Variants in VIL1 observed in about 807,000 individuals in gnomAD.
VIL1 encodes the protein villin 1.
A neutral mutation model predicts 104.0 loss-of-function variants in VIL1; 86 were observed. The observed-to-expected ratio is 0.83, with a 90% CI of 0.69 to 0.99. The LOEUF (loss-of-function observed/expected upper bound fraction) is 0.99, where lower values mean the gene tolerates loss of function less well. Among genes scored for constraint, VIL1 ranks in the 50% least tolerant of loss-of-function variants. VIL1 has a pLI of 0.00. For synonymous variants in VIL1, 394 were observed against 412.6 expected (o/e 0.95, Z 0.55); for missense variants, 944 against 1,054.1 (o/e 0.90, Z 1.45).
intron 4 of VIL1, among the ~76,000 whole-genome samples, chr2:218,427,650 T>A (rs1398847417): frequency 6.6e-6 from 1 of 152,096 alleles, no homozygotes. Context: ...CTACTCTTAA[T>A]ATATCATGAC....
At chr2:218,432,647 G>A (rs1233695637) in intron 12 of VIL1, 146 bp from the exon 13 acceptor site, 3 of 1,089,346 alleles carry the variant, frequency 2.8e-6, no homozygotes, top group Non-Finnish European at 4.0e-6. Flanking sequence ...TTGGGGTTTT[G>A]GCTGTTTCAC....
chr2:218,419,684 A>G (rs1286164323), intron 1 of VIL1, among the ~76,000 whole-genome samples: 9 of 152,190 alleles, frequency 5.9e-5, no homozygotes, highest in Admixed American at 5.9e-4. Flanking sequence ...ATGGGCACAC[A>G]CAGAGGCAAG....
Position 218,435,361 on chromosome 2 carries a change from G to A in VIL1, c.1753G>A (p.Val585Met), listed in dbSNP as rs1689171120. Residue 585 changes from valine to methionine, a missense_variant, in exon 15 of 20, where the codon GTG (valine) becomes ATG (methionine). Coordinates refer to ENST00000248444, the MANE Select transcript of VIL1 (RefSeq NM_007127.3). ...DTISRTEKQV[V>M]VEGQEPANFW... ...CATCTCCCGGACGGAGAAGCAAGTG[G>A]TGGTGGAAGGGCAGGAGCCAGCCAA... The A allele has an allele frequency of 1.2e-6, 2 of 1,614,066 alleles. No individual in the cohort carries two copies. Among genetic ancestry groups the A allele is most frequent in the South Asian group, 2.2e-5 (2 of 91,088 alleles).
Position 218,432,838 on chromosome 2 carries a change from G to A in VIL1, c.1387G>A (p.Ala463Thr). ...TGAAATTACAGCATCAGCTTATCAA[G>A]CCGTCATCCTGGACCAGAAGTACAA... Reference protein sequence around the residue: ...QDEITASAYQAVILDQKYNGE... With the variant: ...QDEITASAYQTVILDQKYNGE... The change falls in exon 13 of 20, where the codon GCC (alanine) becomes ACC (threonine). Residue 463 changes from alanine (A) to threonine (T), a missense_variant. Coordinates refer to ENST00000248444, the MANE Select transcript of VIL1 (RefSeq NM_007127.3). 1.2e-6 allele frequency: 2 copies of A among 1,614,230 alleles called. No individual in the cohort carries two copies. The highest frequency in any genetic ancestry group is 1.7e-6 in the Non-Finnish European group (2 of 1,180,042).
intron 10 of VIL1, among the ~76,000 whole-genome samples, 163 bp from the exon 11 acceptor site, chr2:218,431,694 C>T (rs192054661): frequency 6.6e-6 from 1 of 152,232 alleles, no homozygotes; most frequent in Admixed American, 6.5e-5. Context: ...TCTATTGTAG[C>T]TCTGCCACAT....
At chr2:218,432,329 G>T in intron 12 of VIL1, 146 bp downstream of exon 12, 1 of 1,259,886 alleles carries the variant, frequency 7.9e-7, no homozygotes. Context: ...TGGCTATGAG[G>T]TCCCGCTAGT....
chr2:218,421,900 C>G (rs1688903620), intron 1 of VIL1, among the ~76,000 whole-genome samples: 1 of 152,150 alleles, frequency 6.6e-6, no homozygotes, highest in South Asian at 2.1e-4. Flanking sequence ...AAGTTGACCC[C>G]CTCAGCTCAT....
chr2:218,443,128 G>A (rs966830644), intron 19 of VIL1, among the ~76,000 whole-genome samples: 1 of 152,104 alleles, frequency 6.6e-6, no homozygotes, highest in African/African-American at 2.4e-5. Context: ...TAGTTGCAAA[G>A]CCAGAGCAAG....
Position 218,432,823 on chromosome 2 carries a change from G to A in VIL1, c.1372G>A (p.Ala458Thr). ...GSQASQDEIT[A>T]SAYQAVILDQ... Reference sequence around the variant, plus strand: ...CCAGGCCAGCCAAGATGAAATTACAGCATCAGCTTATCAAGCCGTCATCCT... The same window carrying A: ...CCAGGCCAGCCAAGATGAAATTACAACATCAGCTTATCAAGCCGTCATCCT... Residue 458 changes from alanine to threonine, a missense_variant, in exon 13 of 20, where the codon GCA (alanine) becomes ACA (threonine). By Grantham distance (58) the Ala-to-Thr change is moderately conservative. Coordinates refer to ENST00000248444, the MANE Select transcript of VIL1 (RefSeq NM_007127.3). 1 of 1,614,160 alleles carries A rather than the reference G, an allele frequency of 6.2e-7. No homozygotes were observed. Among genetic ancestry groups the A allele is most frequent in the South Asian group, 1.1e-5 (1 of 91,076 alleles).
rs1169329095 is a variant in VIL1, at chr2:218,450,189, G to C, written c.*853G>C. 6.6e-6 allele frequency: 1 copy of C among 152,186 alleles called. No individual in the cohort carries two copies. The highest frequency in any genetic ancestry group is 1.9e-4 in the East Asian group (1 of 5,200). 9.4% of individuals were successfully genotyped at this position (152,186 alleles called of 1,614,324 possible). On this transcript the variant is annotated 3_prime_UTR_variant, in exon 20 of 20. Coordinates refer to ENST00000248444, the MANE Select transcript of VIL1 (RefSeq NM_007127.3). ...AACAGAAGGTGATTTCCACAACTTT[G>C]AACAGGTTGTTACAAGTATCAGCAA...
chr2:218,429,260 T>G (rs752014746), intron 6 of VIL1, 25 bp from the exon 7 acceptor site: 18 of 1,599,056 alleles, frequency 1.1e-5, no homozygotes, highest in South Asian at 7.9e-5. Context: ...CTACTCCCGA[T>G]GGGTCACCAG....
intron 18 of VIL1, among the ~76,000 whole-genome samples, chr2:218,440,275 T>A (rs1192976322): frequency 6.6e-6 from 1 of 152,184 alleles, no homozygotes; most frequent in African/African-American, 2.4e-5. Flanking sequence ...CTCTATGTTG[T>A]TGTTGTTGTT....
chr2:218,432,387 C>A, intron 12 of VIL1: 2 of 842,252 alleles, frequency 2.4e-6, no homozygotes, highest in Non-Finnish European at 3.9e-6. Context: ...GTCTCCCTTC[C>A]AATTTTCATT....
intron 19 of VIL1, among the ~76,000 whole-genome samples, chr2:218,447,740 G>T (rs1398960738): frequency 1.3e-5 from 2 of 148,446 alleles, no homozygotes; most frequent in East Asian, 2.0e-4. Flanking sequence ...ACTTTGTTTT[G>T]TTTTTTTTTT....
At chr2:218,435,695 C>A (rs1390516616) in intron 15 of VIL1, among the ~76,000 whole-genome samples, 1 of 152,180 alleles carries the variant, frequency 6.6e-6, no homozygotes, top group Non-Finnish European at 1.5e-5. Flanking sequence ...GAATTCCTGG[C>A]CATAGGAGGC....
intron 18 of VIL1, among the ~76,000 whole-genome samples, chr2:218,439,808 C>A (rs1213116405): frequency 7.1e-6 from 1 of 141,128 alleles, no homozygotes; most frequent in Non-Finnish European, 1.5e-5. Context: ...CAGAGTCAGA[C>A]CCTGTCTCAA....
chr2:218,425,971 G>T (rs902758539), intron 4 of VIL1, among the ~76,000 whole-genome samples, 160 bp downstream of exon 4: 2 of 152,124 alleles, frequency 1.3e-5, no homozygotes, highest in African/African-American at 4.8e-5. Context: ...GGACCCTGAA[G>T]CTGTGGGGGG....
intron 4 of VIL1, 30 bp from the exon 5 acceptor site, chr2:218,427,932 CACT>C: frequency 6.2e-7 from 1 of 1,603,070 alleles, no homozygotes; most frequent in Non-Finnish European, 8.5e-7. Context: ...CCTCCCAGCC[CACT>C]TCCTTGGGTC....
At position 218,431,849 on chromosome 2, in the gene VIL1, C is replaced by T. The variant is rs976364353; in HGVS notation, c.1103-8C>T. The stretch of plus-strand genomic sequence containing the variant: ...TGACAGTTGGTTTCATGATTTCCCC[C>T]ACTCTAGCCAAAGTGGAACAGGTGA... On this transcript the variant is annotated splice_polypyrimidine_tract_variant and splice_region_variant and intron_variant, in intron 10 of 19. Transcript: ENST00000248444. 1.2e-6 allele frequency: 2 copies of T among 1,611,138 alleles called. No homozygotes were observed. The highest frequency in any genetic ancestry group is 2.2e-5 in the East Asian group (1 of 44,840).
Sources: allele counts gnomAD v4.1 joint callset (sites outside exome capture counted in the v4.1 genomes callset), GRCh38; gene constraint gnomAD v4.1.1; transcripts MANE v1.5; gene names NCBI Gene and HGNC (gene_info 2026-07-23, HGNC 2026-07-21).